The following GALNT15 variants were observed in gnomAD, a reference collection of about 807,000 sequenced individuals.
The protein encoded by GALNT15 is polypeptide N-acetylgalactosaminyltransferase 15.
A neutral mutation model predicts 66.8 loss-of-function variants in GALNT15; 67 were observed. That is an observed-to-expected ratio of 1.00 (90% CI 0.82 to 1.23). GALNT15 has a LOEUF of 1.23. Ranked by LOEUF, GALNT15 falls within the 50% of genes most tolerant of loss-of-function variation. The pLI, the probability that GALNT15 is intolerant of heterozygous loss-of-function variation, is 0.00. For synonymous variants in GALNT15, 313 were observed against 311.5 expected (o/e 1.00, Z -0.05); for missense variants, 827 against 804.3 (o/e 1.03, Z -0.34).
chr3:16,230,605 G>A (rs2064072856), downstream of GALNT15, among the ~76,000 whole-genome samples: 1 of 152,064 alleles, frequency 6.6e-6, no homozygotes, highest in Non-Finnish European at 1.5e-5. The surrounding 1 kb of genome is among the most constrained non-coding windows in gnomAD (Gnocchi z 4.5). Flanking sequence ...AAAAAAACAA[G>A]GATAGTGTAC....
chr3:16,223,326 T>C (rs2063968121), intron 9 of GALNT15, among the ~76,000 whole-genome samples: 1 of 152,176 alleles, frequency 6.6e-6, no homozygotes, highest in Non-Finnish European at 1.5e-5. Flanking sequence ...ATGTCCGTAC[T>C]TAAGGAGAGT....
Position 16,186,818 on chromosome 3 carries a change from G to A in GALNT15, c.540-8942G>A, listed in dbSNP as rs1301739631. The stretch of plus-strand genomic sequence containing the variant: ...AGTGGGAAGTGACTGCCAATGGGTA[G>A]TAGGTTTTTGGGGGTGGGGTGTTGA... On this transcript the variant is annotated intron_variant, in intron 1 of 9. Transcript: ENST00000339732. This position sits in a 1 kb window ranked among gnomAD's most constrained non-coding sequence, Gnocchi z 5.1. 1.3e-5 allele frequency among the ~76,000 whole-genome samples: 2 copies of A among 152,212 alleles called. No individual in the cohort carries two copies. The highest frequency in any genetic ancestry group is 2.9e-5 in the Non-Finnish European group (2 of 68,026).
At position 16,201,993 on chromosome 3, in the gene GALNT15, C is replaced by G. The variant is rs936815382; in HGVS notation, c.911+1170C>G. Reference sequence around the variant, plus strand: ...AGCAAGACAGGACCAATGCTAGAACCAAGCCTTATGACTTCTACCCATGAT... The same window carrying G: ...AGCAAGACAGGACCAATGCTAGAACGAAGCCTTATGACTTCTACCCATGAT... On this transcript the variant is annotated intron_variant, in intron 3 of 9. Transcript: ENST00000339732. Among the ~76,000 whole-genome samples, 8 of 152,282 alleles carry G rather than the reference C, an allele frequency of 5.3e-5. No homozygotes were observed. The South Asian group carries it at 6.2e-4, about 12-fold the overall frequency.
Position 16,227,635 on chromosome 3 carries a change from T to C in GALNT15, c.*135T>C, listed in dbSNP as rs1048205743. On this transcript the variant is annotated 3_prime_UTR_variant, in exon 10 of 10. Transcript: ENST00000339732. This position sits in a 1 kb window ranked among gnomAD's most constrained non-coding sequence, Gnocchi z 4.5. ...GGTGTTAGGAGAGAAAAAAGCTCTA[T>C]GAAAGAATATAGGAAGTTTCTCCTT... 3 of 1,509,750 alleles carry C rather than the reference T, an allele frequency of 2.0e-6. No individual in the cohort carries two copies. Among genetic ancestry groups the C allele is most frequent in the Admixed American group, 4.9e-5 (2 of 40,848 alleles). The allele number at this position is 1,509,750 out of a possible 1,614,324, so 93.5% of individuals were successfully genotyped here. A position where few individuals can be genotyped will look rare whatever the true frequency, so the allele number is the denominator to read the frequency against.
At chr3:16,214,169 G>A (rs1238537289) in intron 6 of GALNT15, among the ~76,000 whole-genome samples, 1 of 152,216 alleles carries the variant, frequency 6.6e-6, no homozygotes, top group East Asian at 1.9e-4. Flanking sequence ...AAGGCATTGG[G>A]ATTGAAAGGA....
rs2063552425 is a variant in GALNT15 at position 16,189,505 on chromosome 3, A to T, written c.540-6255A>T. ...ATCCTCAGAGACATGTTCAGACAAT[A>T]CCAGAAGCCAGTCAGCACATTTTTA... On this transcript the variant is annotated intron_variant, in intron 1 of 9. Coordinates refer to ENST00000339732, the MANE Select transcript of GALNT15 (RefSeq NM_054110.5). The surrounding 1 kb of genome is among the most constrained non-coding windows in gnomAD (Gnocchi z 5.1). Among the ~76,000 whole-genome samples the T allele has an allele frequency of 6.6e-6, 1 of 152,252 alleles. No homozygotes were observed.
chr3:16,206,519 A>C (rs1440217644), intron 3 of GALNT15, among the ~76,000 whole-genome samples: 1 of 151,256 alleles, frequency 6.6e-6, no homozygotes, highest in African/African-American at 2.4e-5. Flanking sequence ...CTAAAAATAC[A>C]AAAATTAGCC....
chr3:16,175,750 C>T lies in GALNT15; in HGVS notation c.539+60C>T, dbSNP rs1156673044. The T allele has an allele frequency of 3.1e-5, 45 of 1,451,022 alleles. No homozygotes were observed. In the Admixed American group the frequency reaches 7.9e-4, roughly 26 times the overall value. 89.9% of individuals were successfully genotyped at this position (1,451,022 alleles called of 1,614,324 possible). On this transcript the variant is annotated intron_variant, in intron 1 of 9. Transcript: ENST00000339732. The surrounding 1 kb of genome is among the most constrained non-coding windows in gnomAD (Gnocchi z 5.6). ...CAGGGCATGATCGGGTGGTAGCAAACTCGGGAATGCAAACTTTCCGTAGCC... is the reference window on the plus strand; with the variant it reads ...CAGGGCATGATCGGGTGGTAGCAAATTCGGGAATGCAAACTTTCCGTAGCC...
At position 16,188,804 on chromosome 3, in the gene GALNT15, G is replaced by A. The variant is rs867946548; in HGVS notation, c.540-6956G>A. Among the ~76,000 whole-genome samples the A allele has an allele frequency of 1.6e-4, 24 of 152,216 alleles. No homozygotes were observed. Among genetic ancestry groups the A allele is most frequent in the Admixed American group, 1.3e-3 (20 of 15,296 alleles). On this transcript the variant is annotated intron_variant, in intron 1 of 9. Coordinates refer to ENST00000339732, the MANE Select transcript of GALNT15 (RefSeq NM_054110.5). The surrounding 1 kb of genome is among the most constrained non-coding windows in gnomAD (Gnocchi z 4.6). ...GTTGGGTGGGAGCGGGGGAGGAAGAGTGGATAGATTGCAAAGCAGATGACA... is the reference window on the plus strand; with the variant it reads ...GTTGGGTGGGAGCGGGGGAGGAAGAATGGATAGATTGCAAAGCAGATGACA...
the GALNT15 span, among the ~76,000 whole-genome samples, chr3:16,242,720 C>T: frequency 5.3e-5 from 8 of 152,082 alleles, no homozygotes; most frequent in African/African-American, 1.4e-4. The surrounding 1 kb of genome is among the most constrained non-coding windows in gnomAD (Gnocchi z 5.6). Context: ...TCAAGGCTGC[C>T]GTGAGCCGTG....
At chr3:16,226,245 A>G (rs1039955932) in intron 9 of GALNT15, among the ~76,000 whole-genome samples, 3 of 152,126 alleles carry the variant, frequency 2.0e-5, no homozygotes, top group African/African-American at 7.2e-5. Flanking sequence ...ACGTAATGAA[A>G]ATATTCTGGA....
intron 8 of GALNT15, 58 bp from the exon 9 acceptor site, chr3:16,222,557 T>C: frequency 6.2e-7 from 1 of 1,609,164 alleles, no homozygotes; most frequent in South Asian, 1.1e-5. Flanking sequence ...TTACCTCCTC[T>C]ACAGCTTTGA....
chr3:16,192,355 A>G (rs2063588239), intron 1 of GALNT15, among the ~76,000 whole-genome samples: 1 of 152,214 alleles, frequency 6.6e-6, no homozygotes, highest in Non-Finnish European at 1.5e-5. Context: ...TTGGTAAACT[A>G]TTAAACTGTC....
Position 16,227,606 on chromosome 3 carries a change from T to C in GALNT15, c.*106T>C. On this transcript the variant is annotated 3_prime_UTR_variant, in exon 10 of 10. Transcript: ENST00000339732. This position sits in a 1 kb window ranked among gnomAD's most constrained non-coding sequence, Gnocchi z 4.5. ...GAAGCTGATCCTTTTGTGTGTGTGC[T>C]CCTGGTGTTAGGAGAGAAAAAAGCT... 2 of 1,592,114 alleles carry C rather than the reference T, an allele frequency of 1.3e-6. No individual in the cohort carries two copies. The highest frequency in any genetic ancestry group is 2.3e-5 in the South Asian group (2 of 87,774).
At chr3:16,207,934 A>G (rs974956763) in intron 3 of GALNT15, among the ~76,000 whole-genome samples, 20 of 152,236 alleles carry the variant, frequency 1.3e-4, no homozygotes, top group African/African-American at 4.8e-4. Flanking sequence ...CCATTCTACA[A>G]ATGAGGAAAC....
the GALNT15 span, among the ~76,000 whole-genome samples, chr3:16,239,849 CAT>C: frequency 7.2e-5 from 11 of 152,210 alleles, no homozygotes; most frequent in African/African-American, 2.7e-4. This position sits in a 1 kb window ranked among gnomAD's most constrained non-coding sequence, Gnocchi z 5.2. Flanking sequence ...TTGTTGTAAA[CAT>C]ATGATATAGG....
At chr3:16,220,266 T>C in intron 8 of GALNT15, 1 of 498,560 alleles carries the variant, frequency 2.0e-6, no homozygotes, top group South Asian at 2.5e-5. Context: ...AGAAGCCGTT[T>C]GGCCAAACTT....
chr3:16,205,075 C>T (rs760688842), intron 3 of GALNT15, among the ~76,000 whole-genome samples: 4 of 152,214 alleles, frequency 2.6e-5, no homozygotes, highest in Non-Finnish European at 4.4e-5. Flanking sequence ...CAGCAACCAT[C>T]GTACTTCATA....
the GALNT15 span, among the ~76,000 whole-genome samples, chr3:16,247,429 A>T: frequency 1.3e-5 from 2 of 152,386 alleles, no homozygotes; most frequent in South Asian, 4.1e-4. Context: ...ACGTCAGATC[A>T]TGATGCCTTT....
Sources: gnomAD v4.1 joint callset for allele counts (sites outside exome capture counted in the v4.1 genomes callset) on GRCh38, gnomAD v4.1.1 for gene constraint, Gnocchi (gnomAD v3.1) non-coding constraint, MANE v1.5 for transcripts, NCBI Gene and HGNC (gene_info 2026-07-23, HGNC 2026-07-21) for gene names.